Variants in WNT2B observed in about 807,000 individuals in gnomAD.
The protein encoded by WNT2B is protein Wnt-2b.
A neutral mutation model predicts 40.5 loss-of-function variants in WNT2B; 19 were observed. The ratio of observed to expected loss-of-function variants is 0.47; its 90% CI spans 0.33 to 0.69. The LOEUF is 0.69. Ranked by LOEUF, WNT2B falls within the 30% of genes least tolerant of loss-of-function variation. The pLI is 0.02. For missense variants in WNT2B, 467 were observed against 556.4 expected (o/e 0.84, Z 1.62); for synonymous variants, 220 against 211.9 (o/e 1.04, Z -0.33).
intron 1 of WNT2B, among the ~76,000 whole-genome samples, chr1:112,489,829 G>A (rs1049939594): frequency 2.6e-5 from 4 of 151,406 alleles, no homozygotes; most frequent in Non-Finnish European, 5.9e-5. Context: ...CATGTCCCTC[G>A]CCAGTATGTT....
At chr1:112,508,727 T>A, upstream of WNT2B, 1 of 985,964 alleles carries the variant, frequency 1.0e-6, no homozygotes. This position sits in a 1 kb window ranked among gnomAD's most constrained non-coding sequence, Gnocchi z 4.2. Context: ...CGGCAGGGAC[T>A]GGGCGCTTGG....
At chr1:112,491,362 G>A (rs1651599495) in intron 1 of WNT2B, among the ~76,000 whole-genome samples, 2 of 152,146 alleles carry the variant, frequency 1.3e-5, no homozygotes, top group South Asian at 2.1e-4. Flanking sequence ...AGCTGAGATT[G>A]CACCACTGCA....
At chr1:112,483,209 CACACACACACACAT>C (rs762883923) in intron 1 of WNT2B, among the ~76,000 whole-genome samples, 10,731 of 97,352 alleles carry the variant, frequency 0.11, 485 homozygotes, top group African/African-American at 0.24. Context: ...CACACACACA[CACACACACACACAT>C]ATACACACAC....
chr1:112,471,227 G>A (rs1031061689), intron 1 of WNT2B, among the ~76,000 whole-genome samples: 2 of 152,202 alleles, frequency 1.3e-5, no homozygotes, highest in African/African-American at 4.8e-5. Flanking sequence ...CCCCTGTCTG[G>A]TGAGATGCCC....
chr1:112,469,934 A>G (rs1650822130), intron 1 of WNT2B, among the ~76,000 whole-genome samples: 1 of 152,116 alleles, frequency 6.6e-6, no homozygotes, highest in Admixed American at 6.5e-5. Context: ...TTCTTGTACT[A>G]TGTCTTCAAA....
intron 1 of WNT2B, among the ~76,000 whole-genome samples, chr1:112,492,371 A>G (rs1454057974): frequency 6.6e-6 from 1 of 152,222 alleles, no homozygotes. Flanking sequence ...GCAGAAACCC[A>G]TGAGCAGGAA....
intron 1 of WNT2B, among the ~76,000 whole-genome samples, chr1:112,483,003 AGCT>A (rs1203920222): frequency 6.6e-6 from 1 of 152,144 alleles, no homozygotes; most frequent in Non-Finnish European, 1.5e-5. Flanking sequence ...GCAAGAACAA[AGCT>A]GGATTAATCA....
chr1:112,516,470 G>T, intron 3 of WNT2B, 53 bp downstream of exon 3: 1 of 1,565,964 alleles, frequency 6.4e-7, no homozygotes, highest in Non-Finnish European at 8.7e-7. Flanking sequence ...GGTGACCAGT[G>T]TGTGTGACCA....
chr1:112,518,503 C>G (rs983274559), intron 4 of WNT2B: 5 of 152,156 alleles, frequency 3.3e-5, no homozygotes, highest in African/African-American at 1.2e-4. Flanking sequence ...AGTCTGTATA[C>G]TTTGTAGGGT....
chr1:112,473,580 G>A (rs1650958564), intron 1 of WNT2B, among the ~76,000 whole-genome samples: 1 of 151,942 alleles, frequency 6.6e-6, no homozygotes, highest in African/African-American at 2.4e-5. Flanking sequence ...AATGAACAAA[G>A]CATCAGTGAG....
intron 1 of WNT2B, among the ~76,000 whole-genome samples, chr1:112,484,185 T>C (rs1651324901): frequency 1.4e-5 from 2 of 143,222 alleles, no homozygotes; most frequent in East Asian, 2.0e-4. Flanking sequence ...TTTTTATATA[T>C]AATTTTGTCT....
chr1:112,481,852 A>T (rs115028548), intron 1 of WNT2B, among the ~76,000 whole-genome samples: 2,570 of 152,124 alleles, frequency 0.017, 74 homozygotes, highest in African/African-American at 0.058. Context: ...ATCTACAAAA[A>T]TTTTTTTAAA....
intron 1 of WNT2B, among the ~76,000 whole-genome samples, chr1:112,488,644 C>CG (rs1651497447): frequency 6.6e-6 from 1 of 151,720 alleles, no homozygotes; most frequent in South Asian, 2.1e-4. Flanking sequence ...CTCCACCACC[C>CG]GGGTTCACAC....
At chr1:112,502,098 C>T (rs1276733460) in intron 1 of WNT2B, among the ~76,000 whole-genome samples, 1 of 152,246 alleles carries the variant, frequency 6.6e-6, no homozygotes, top group African/African-American at 2.4e-5. Flanking sequence ...CCTGGCCAGG[C>T]CTGGCCTGAG....
intron 1 of WNT2B, among the ~76,000 whole-genome samples, chr1:112,475,558 T>G (rs1229337322): frequency 6.6e-6 from 1 of 152,134 alleles, no homozygotes; most frequent in Non-Finnish European, 1.5e-5. Context: ...GCACAAACGC[T>G]GAGGGAAGAG....
intron 1 of WNT2B, among the ~76,000 whole-genome samples, chr1:112,483,736 G>T (rs1651305205): frequency 6.8e-6 from 1 of 147,310 alleles, no homozygotes; most frequent in South Asian, 2.1e-4. Flanking sequence ...TCTGATAAGA[G>T]GTTAACATTT....
At position 112,529,574 on chromosome 1, in the gene WNT2B, T is replaced by C. The variant is rs1654020663; in HGVS notation, c.*9065T>C. 6.6e-6 allele frequency: 1 copy of C among 152,166 alleles called. No individual in the cohort carries two copies. The highest frequency in any genetic ancestry group is 6.5e-5 in the Admixed American group (1 of 15,278). The allele number at this position is 152,166 out of a possible 1,614,324, so 9.4% of individuals were successfully genotyped here. ...ATATCTAACTGGCTTATTTTTCATCTGTTCTCCCAGAGAAGCTATTATAAG... is the reference window on the plus strand; with the variant it reads ...ATATCTAACTGGCTTATTTTTCATCCGTTCTCCCAGAGAAGCTATTATAAG... On this transcript the variant is annotated 3_prime_UTR_variant, in exon 5 of 5. Transcript: ENST00000369684.
At chr1:112,503,472 G>C (rs1045674506) in intron 1 of WNT2B, among the ~76,000 whole-genome samples, 1 of 152,172 alleles carries the variant, frequency 6.6e-6, no homozygotes, top group Non-Finnish European at 1.5e-5. Flanking sequence ...GAGAGGGCAA[G>C]AGAAAGAGAG....
chr1:112,481,190 C>T (rs557469825), intron 1 of WNT2B, among the ~76,000 whole-genome samples: 80 of 151,686 alleles, frequency 5.3e-4, no homozygotes, highest in Non-Finnish European at 1.0e-3. Context: ...AAAAATTATA[C>T]ACCCTGAGCA....
Sources: gnomAD v4.1 joint callset for allele counts (sites outside exome capture counted in the v4.1 genomes callset) on GRCh38, gnomAD v4.1.1 for gene constraint, Gnocchi (gnomAD v3.1) non-coding constraint, MANE v1.5 for transcripts, NCBI Gene and HGNC (gene_info 2026-07-23, HGNC 2026-07-21) for gene names.